The following HRH1 variants were observed in gnomAD, a reference collection of about 807,000 sequenced individuals.
The protein encoded by HRH1 is histamine H1 receptor.
In HRH1, 6 loss-of-function variants were observed where a neutral mutation model predicts 10.3. That is an observed-to-expected ratio of 0.58 (90% CI 0.32 to 1.15). The LOEUF is 1.15. Among genes scored for constraint, HRH1 ranks in the 50% most tolerant of loss-of-function variants. The pLI is 0.05. For missense variants in HRH1, 514 were observed against 615.3 expected, an observed-to-expected ratio of 0.84 and a Z score of 1.74; for synonymous variants, 242 against 236.7, an observed-to-expected ratio of 1.02 and a Z score of -0.21.
At chr3:11,190,380 A>T (rs9822647) in intron 1 of HRH1, among the ~76,000 whole-genome samples, 119,405 of 150,150 alleles carry the variant, frequency 0.8, 47,787 homozygotes, top group East Asian at 0.95. Flanking sequence ...TTAATTAATT[A>T]ATTTATTTAT....
intron 1 of HRH1, among the ~76,000 whole-genome samples, chr3:11,206,267 G>A (rs1206959679): frequency 1.3e-5 from 2 of 152,192 alleles, no homozygotes; most frequent in African/African-American, 2.4e-5. Context: ...ACAGGCACAC[G>A]CCAACACGCC....
chr3:11,245,939 T>A (rs565306508), intron 1 of HRH1, among the ~76,000 whole-genome samples: 1 of 151,240 alleles, frequency 6.6e-6, no homozygotes, highest in East Asian at 1.9e-4. Flanking sequence ...ACATACACAC[T>A]CACACTCACT....
intron 1 of HRH1, among the ~76,000 whole-genome samples, chr3:11,225,855 C>A (rs964823058): frequency 4.3e-4 from 65 of 152,312 alleles, no homozygotes; most frequent in African/African-American, 1.5e-3. Context: ...CGACCACAAC[C>A]CAGCTTTATA....
intron 1 of HRH1, among the ~76,000 whole-genome samples, chr3:11,177,143 A>G (rs990996370): frequency 6.6e-6 from 1 of 151,908 alleles, no homozygotes; most frequent in Non-Finnish European, 1.5e-5. Flanking sequence ...GCTCACTCCT[A>G]TAATCCCAGC....
intron 1 of HRH1, among the ~76,000 whole-genome samples, chr3:11,205,813 C>T (rs1938102328): frequency 6.6e-6 from 1 of 152,082 alleles, no homozygotes. Flanking sequence ...AGGCATGCGC[C>T]ACCACACCCA....
intron 1 of HRH1, among the ~76,000 whole-genome samples, chr3:11,246,700 T>C (rs1236140359): frequency 6.6e-6 from 1 of 152,212 alleles, no homozygotes; most frequent in African/African-American, 2.4e-5. Flanking sequence ...AATTCAATCA[T>C]AACTTTTCTT....
rs35134148 is a variant in HRH1 at position 11,196,953 on chromosome 3, CAAAAAAAAA to C, written c.-36+42413_-36+42421del. ...TGAAACCCCGTCTCTACTAAAAATA[CAAAAAAAAA>C]AAAAAAAAAAAAATTAGCTGGGCAT... On this transcript the variant is annotated intron_variant, in intron 1 of 1. Transcript: ENST00000431010. 1.9e-3 allele frequency among the ~76,000 whole-genome samples: 214 copies of C among 110,452 alleles called. 1 individual carries two copies. Among genetic ancestry groups the C allele is most frequent in the African/African-American group, 7.6e-3 (206 of 27,158 alleles). 72.5% of individuals were successfully genotyped at this position (110,452 alleles called of 152,430 possible).
At chr3:11,199,242 G>A (rs1559268090) in intron 1 of HRH1, among the ~76,000 whole-genome samples, 1 of 152,148 alleles carries the variant, frequency 6.6e-6, no homozygotes, top group Non-Finnish European at 1.5e-5. Context: ...TTCAGGGATA[G>A]AGAGGTTAAG....
chr3:11,202,553 C>T (rs1937969868), intron 1 of HRH1, among the ~76,000 whole-genome samples: 1 of 152,088 alleles, frequency 6.6e-6, no homozygotes, highest in African/African-American at 2.4e-5. Flanking sequence ...CTGGCCCCCA[C>T]CCTCCTCCAT....
intron 1 of HRH1, among the ~76,000 whole-genome samples, chr3:11,221,081 C>T (rs1938695758): frequency 6.6e-6 from 1 of 152,140 alleles, no homozygotes; most frequent in Middle Eastern, 3.2e-3. Context: ...AGTGTAACAA[C>T]TCAATCAATG....
chr3:11,193,310 C>T (rs1937584813), intron 1 of HRH1, among the ~76,000 whole-genome samples: 1 of 145,380 alleles, frequency 6.9e-6, no homozygotes, highest in Admixed American at 7.3e-5. Flanking sequence ...ATGAAGCTAG[C>T]AGTAAATTAA....
At chr3:11,150,135 G>C (rs537630165), upstream of HRH1, among the ~76,000 whole-genome samples, 2 of 152,294 alleles carry the variant, frequency 1.3e-5, no homozygotes, top group East Asian at 3.9e-4. Flanking sequence ...AAAATTACTG[G>C]TCATTTTTTC....
intron 1 of HRH1, among the ~76,000 whole-genome samples, chr3:11,173,740 A>G (rs1691410182): frequency 1.3e-5 from 2 of 151,956 alleles, no homozygotes; most frequent in Non-Finnish European, 1.5e-5. Flanking sequence ...CTCTTTTTTC[A>G]TATAACATAG....
chr3:11,222,054 CATGAGT>C (rs1159634562), intron 1 of HRH1, among the ~76,000 whole-genome samples: 1 of 152,208 alleles, frequency 6.6e-6, no homozygotes, highest in Non-Finnish European at 1.5e-5. Context: ...CTGCTATGAA[CATGAGT>C]ATATCAGTTT....
chr3:11,176,003 A>T (rs149349680), intron 1 of HRH1, among the ~76,000 whole-genome samples: 3 of 152,142 alleles, frequency 2.0e-5, no homozygotes, highest in East Asian at 1.9e-4. Flanking sequence ...TCCAAAAAAA[A>T]ATAAATAAAT....
chr3:11,211,727 A>C (rs1472676288), intron 1 of HRH1, among the ~76,000 whole-genome samples: 1 of 152,190 alleles, frequency 6.6e-6, no homozygotes, highest in African/African-American at 2.4e-5. Context: ...CACCACTCTG[A>C]TTTGGCCAGG....
At chr3:11,224,019 C>T (rs1372603051) in intron 1 of HRH1, among the ~76,000 whole-genome samples, 7 of 152,150 alleles carry the variant, frequency 4.6e-5, no homozygotes, top group Non-Finnish European at 7.3e-5. Context: ...ATGTTCCAGC[C>T]ACATCATCCT....
chr3:11,180,331 A>AG (rs1016618646), intron 1 of HRH1, among the ~76,000 whole-genome samples: 19 of 152,244 alleles, frequency 1.2e-4, no homozygotes, highest in Non-Finnish European at 1.3e-4. Context: ...CGGGGGTTGA[A>AG]GGGGATGGTT....
At position 11,210,733 on chromosome 3, in the gene HRH1, C is replaced by T. The variant is rs543514773; in HGVS notation, c.-35-48270C>T. Among the ~76,000 whole-genome samples, 16 of 149,668 alleles carry T rather than the reference C, an allele frequency of 1.1e-4. 1 individual carries two copies. In the East Asian group the frequency reaches 3.0e-3, roughly 28 times the overall value. ...GCTTGAGCTCGGGAGGCAGAGGTTG[C>T]AGTGAACCAAGATTGTGCCACTGCA... is the stretch of plus-strand genomic sequence containing the variant. On this transcript the variant is annotated intron_variant, in intron 1 of 1. Transcript: ENST00000431010.
Sources: gnomAD v4.1 joint callset for allele counts (sites outside exome capture counted in the v4.1 genomes callset) on GRCh38, gnomAD v4.1.1 for gene constraint, MANE v1.5 for transcripts, NCBI Gene and HGNC (gene_info 2026-07-23, HGNC 2026-07-21) for gene names.